TNIP1: variants seen among roughly 807,000 people sequenced by gnomAD.
TNIP1 encodes TNFAIP3-interacting protein 1.
Under a neutral mutation model 86.6 loss-of-function variants are expected in TNIP1, and 22 were observed. That is an observed-to-expected ratio of 0.25 (90% confidence interval 0.18 to 0.36). The LOEUF is 0.36. Ranked by LOEUF, TNIP1 falls within the 10% of genes least tolerant of loss-of-function variation. The pLI is 1.00. For synonymous variants in TNIP1, 294 were observed against 313.0 expected (o/e 0.94, Z 0.64); for missense variants, 709 against 820.6 (o/e 0.86, Z 1.66).
rs1188908919 is a variant in TNIP1 at position 151,029,977 on chromosome 5, A to C, written c.*736T>G. 3 of 433,836 alleles carry C rather than the reference A, an allele frequency of 6.9e-6. No individual in the cohort carries two copies. The highest frequency in any genetic ancestry group is 1.4e-5 in the Non-Finnish European group (3 of 209,654). 26.9% of individuals were successfully genotyped at this position (433,836 alleles called of 1,614,324 possible). On this transcript the variant is annotated 3_prime_UTR_variant, in exon 18 of 18. Coordinates refer to ENST00000521591, the MANE Select transcript of TNIP1 (RefSeq NM_006058.5). ...TCTTCAACTTGGATTTATGTCCATG[A>C]TTCGTGCAAATAGCTATCCAGGGAT... is the stretch of plus-strand genomic sequence containing the variant.
At position 151,049,885 on chromosome 5, in the gene TNIP1, C is replaced by G; in HGVS notation, c.785G>C (p.Gly262Ala). 4 of 1,614,208 alleles carry G rather than the reference C, an allele frequency of 2.5e-6. No homozygotes were observed. Among genetic ancestry groups the G allele is most frequent in the Non-Finnish European group, 3.4e-6 (4 of 1,180,036 alleles). Residue 262 changes from glycine to alanine, a missense_variant, in exon 8 of 18, where the codon GGG becomes GCG. Transcript: ENST00000521591. ...MSNGNKEGAS[G>A]RPGSPKMEGT... ...TTCCATCTTCGGTGAGCCTGGCCGC[C>G]CAGACGCACCCTCTTTGTTGCCATT... is the stretch of plus-strand genomic sequence containing the variant.
intron 5 of TNIP1, among the ~76,000 whole-genome samples, chr5:151,057,654 T>C (rs1282846855): frequency 1.3e-5 from 2 of 152,008 alleles, no homozygotes; most frequent in Admixed American, 6.6e-5. Context: ...GAGTCGGAGG[T>C]TGCAGTGAGC....
rs1758567257 is a variant in TNIP1 at position 151,042,556 on chromosome 5, T to G, written c.1118A>C (p.Lys373Thr). ...CACACTTGCCTCCTCCATTTCAATC[T>G]TGGACTTGGCCAGGAGGAGCTTGCG... The part of the protein sequence containing the change: ...FDRKLLLAKS[K>T]IEMEETDKEQ... The change falls in exon 11 of 18, where the codon AAG (lysine) becomes ACG (threonine). Residue 373 changes from lysine to threonine, a missense_variant. By Grantham distance (78) the Lys-to-Thr change is moderately conservative. Transcript: ENST00000521591. 6.2e-7 allele frequency: 1 copy of G among 1,613,224 alleles called. No individual in the cohort carries two copies. Among genetic ancestry groups the G allele is most frequent in the African/African-American group, 1.3e-5 (1 of 75,032 alleles).
intron 2 of TNIP1, 96 bp downstream of exon 2, chr5:151,064,864 G>A: frequency 6.4e-7 from 1 of 1,558,072 alleles, no homozygotes; most frequent in Admixed American, 1.7e-5. Context: ...TTGGGCAGAG[G>A]CATATGCCAG....
chr5:151,043,806 C>T (rs895481228), intron 9 of TNIP1, among the ~76,000 whole-genome samples: 1 of 150,630 alleles, frequency 6.6e-6, no homozygotes, highest in African/African-American at 2.4e-5. Flanking sequence ...AAAAAGAAAA[C>T]AGAAAATAAA....
intron 7 of TNIP1, among the ~76,000 whole-genome samples, chr5:151,051,899 G>A (rs1759972492): frequency 6.6e-6 from 1 of 152,172 alleles, no homozygotes; most frequent in South Asian, 2.1e-4. Context: ...AGAGAGGCAA[G>A]TGCTGGAGGA....
intron 12 of TNIP1, chr5:151,037,448 C>G (rs1385339849): frequency 3.3e-5 from 5 of 152,308 alleles, no homozygotes; most frequent in Non-Finnish European, 7.3e-5. Context: ...TCCAAACCAC[C>G]CCTTCCATCC....
intron 1 of TNIP1, among the ~76,000 whole-genome samples, chr5:151,078,019 G>A (rs1417976322): frequency 6.6e-6 from 1 of 152,108 alleles, no homozygotes; most frequent in Non-Finnish European, 1.5e-5. Context: ...CCCTCCAGAA[G>A]ACCCCTCCAA....
At chr5:151,078,195 A>T (rs577752250) in intron 1 of TNIP1, among the ~76,000 whole-genome samples, 12 of 152,366 alleles carry the variant, frequency 7.9e-5, no homozygotes, top group African/African-American at 2.4e-4. Context: ...GCACCTGTGC[A>T]TCAAGAACAC....
At chr5:151,033,492 T>C in intron 16 of TNIP1, 116 bp downstream of exon 16, 1 of 674,034 alleles carries the variant, frequency 1.5e-6, no homozygotes. Flanking sequence ...GCCACCACGG[T>C]GCTGTTTAGT....
chr5:151,071,671 C>T (rs1002143484), intron 1 of TNIP1, among the ~76,000 whole-genome samples: 2 of 152,136 alleles, frequency 1.3e-5, no homozygotes, highest in African/African-American at 2.4e-5. Flanking sequence ...AGCTGACATC[C>T]GCAGCCCTGT....
At chr5:151,049,743 GCTCA>G (rs1759656388) in intron 8 of TNIP1, 77 bp downstream of exon 8, 2 of 1,534,550 alleles carry the variant, frequency 1.3e-6, no homozygotes, top group Non-Finnish European at 1.8e-6. Flanking sequence ...GAGGGAGGAG[GCTCA>G]CTGTCACTGG....
At chr5:151,062,012 C>A (rs556806201) in intron 4 of TNIP1, 115 bp downstream of exon 4, 1 of 940,792 alleles carries the variant, frequency 1.1e-6, no homozygotes, top group South Asian at 1.6e-5. Flanking sequence ...TATCACCCAG[C>A]GAGACGGAAC....
intron 8 of TNIP1, 146 bp downstream of exon 8, chr5:151,049,678 G>T: frequency 5.0e-6 from 5 of 993,810 alleles, no homozygotes; most frequent in Non-Finnish European, 6.0e-6. Context: ...GTCAGGCCAA[G>T]TAAAGAAAAA....
rs764283580 is a variant in TNIP1 at position 151,052,142 on chromosome 5, T to G, written c.722+23A>C. 4 of 1,611,098 alleles carry G rather than the reference T, an allele frequency of 2.5e-6. No individual in the cohort carries two copies. In the South Asian group the frequency reaches 4.4e-5, roughly 18 times the overall value. On this transcript the variant is annotated intron_variant, in intron 7 of 17. Transcript: ENST00000521591. The stretch of plus-strand genomic sequence containing the variant: ...TCCTGCAGCCCCCACTCCTCACCCC[T>G]TCTCTGAGGGGCCTGAACTTACCGC...
intron 8 of TNIP1, 46 bp downstream of exon 8, chr5:151,049,778 G>A (rs1759660465): frequency 5.6e-6 from 9 of 1,610,586 alleles, no homozygotes; most frequent in Non-Finnish European, 7.6e-6. Flanking sequence ...CAGAGGCTGA[G>A]TACCTGCAAC....
intron 2 of TNIP1, among the ~76,000 whole-genome samples, chr5:151,064,656 T>C (rs1762014721): frequency 6.6e-6 from 1 of 152,130 alleles, no homozygotes; most frequent in Admixed American, 6.5e-5. Flanking sequence ...AGGAGACCAC[T>C]CTAGTTCCAT....
At chr5:151,047,235 C>CGTG (rs1305079161) in intron 8 of TNIP1, among the ~76,000 whole-genome samples, 1 of 152,220 alleles carries the variant, frequency 6.6e-6, no homozygotes, top group Non-Finnish European at 1.5e-5. Context: ...GTACACAGAA[C>CGTG]GTCACCTCCG....
chr5:151,062,327 T>G, intron 3 of TNIP1, 115 bp from the exon 4 acceptor site: 2 of 896,862 alleles, frequency 2.2e-6, no homozygotes, highest in Non-Finnish European at 3.6e-6. Flanking sequence ...CCCACTCGAG[T>G]GTGGGAGAAT....
Sources: allele counts gnomAD v4.1 joint callset (sites outside exome capture counted in the v4.1 genomes callset), GRCh38; gene constraint gnomAD v4.1.1; transcripts MANE v1.5; gene names NCBI Gene and HGNC (gene_info 2026-07-23, HGNC 2026-07-21).